Variants in CDC14B observed in about 807,000 individuals in gnomAD.
The protein encoded by CDC14B is dual specificity protein phosphatase CDC14B.
Under a neutral mutation model 64.2 loss-of-function variants are expected in CDC14B, and 22 were observed. The ratio of observed to expected loss-of-function variants is 0.34; its 90% confidence interval spans 0.24 to 0.49. The LOEUF (loss-of-function observed/expected upper bound fraction) is 0.49. Ranked by LOEUF, CDC14B falls within the 20% of genes least tolerant of loss-of-function variation. CDC14B has a pLI of 0.99. For missense variants in CDC14B, 498 were observed against 629.9 expected, an observed-to-expected ratio of 0.79 and a Z score of 2.24; for synonymous variants, 191 against 215.8, an observed-to-expected ratio of 0.89 and a Z score of 1.01.
In CDC14B at chr9:96,559,423, G is replaced by A. The variant is rs537603169; in HGVS notation, c.420+3270C>T. Among the ~76,000 whole-genome samples, 19 of 152,174 alleles carry A rather than the reference G, an allele frequency of 1.2e-4. No homozygotes were observed. In the South Asian group the frequency reaches 3.9e-3, roughly 32 times the overall value. ...CCTTACTCTCTCCAAAATTCCTGAC[G>A]ACTCCAGAAAACGTTATCAAGGATG... On this transcript the variant is annotated intron_variant, in intron 4 of 13. Transcript: ENST00000375241.
chr9:96,553,853 TA>T (rs555932474), intron 4 of CDC14B, among the ~76,000 whole-genome samples: 2 of 150,296 alleles, frequency 1.3e-5, no homozygotes, highest in South Asian at 2.1e-4. Context: ...CCTAGCAGAT[TA>T]AAAAAAAACA....
At chr9:96,566,905 A>G in intron 1 of CDC14B, 3 of 1,546,958 alleles carry the variant, frequency 1.9e-6, no homozygotes, top group Non-Finnish European at 2.6e-6. Context: ...CGAAGTTTAA[A>G]AAACAAAGTT....
In CDC14B at chr9:96,502,167, G is replaced by A. The variant is rs752608717; in HGVS notation, c.*1586C>T. The A allele has an allele frequency of 2.6e-5, 4 of 152,166 alleles. No individual in the cohort carries two copies. The highest frequency in any genetic ancestry group is 5.9e-5 in the Non-Finnish European group (4 of 68,044). The allele number at this position is 152,166 out of a possible 1,614,324, so 9.4% of individuals were successfully genotyped here. On this transcript the variant is annotated 3_prime_UTR_variant, in exon 14 of 14. Coordinates refer to ENST00000375241, the MANE Select transcript of CDC14B (RefSeq NM_033331.4). ...CTGTTTTTCTGTGATCCAGTCCCCA[G>A]TGTTTAAAAGCTGGCCTGACCCCAC...
intron 1 of CDC14B, among the ~76,000 whole-genome samples, chr9:96,605,431 T>C (rs1478103336): frequency 6.6e-6 from 1 of 152,150 alleles, no homozygotes; most frequent in Non-Finnish European, 1.5e-5. Context: ...CAACCCTCAG[T>C]GAGGAAAACT....
intron 4 of CDC14B, among the ~76,000 whole-genome samples, chr9:96,556,063 T>G (rs1487938062): frequency 6.6e-6 from 1 of 152,230 alleles, no homozygotes; most frequent in African/African-American, 2.4e-5. Flanking sequence ...ATTAGACATG[T>G]GCTTCCTATT....
chr9:96,604,941 A>T (rs1846783992), intron 1 of CDC14B, among the ~76,000 whole-genome samples: 2 of 152,076 alleles, frequency 1.3e-5, no homozygotes, highest in Non-Finnish European at 2.9e-5. Context: ...AAGTGCTGGG[A>T]TTACAGGTGT....
intron 1 of CDC14B, among the ~76,000 whole-genome samples, chr9:96,590,524 G>A (rs1845721523): frequency 6.6e-6 from 1 of 152,090 alleles, no homozygotes; most frequent in Non-Finnish European, 1.5e-5. Context: ...GGGATTGCTG[G>A]ATCAATTTTT....
At chr9:96,555,868 C>T (rs1225067380) in intron 4 of CDC14B, among the ~76,000 whole-genome samples, 3 of 152,176 alleles carry the variant, frequency 2.0e-5, no homozygotes, top group Non-Finnish European at 4.4e-5. Flanking sequence ...AAATCACCAT[C>T]TGCATGCCAG....
At chr9:96,569,641 T>A (rs1017567606) in intron 1 of CDC14B, among the ~76,000 whole-genome samples, 1 of 151,844 alleles carries the variant, frequency 6.6e-6, no homozygotes, top group Admixed American at 6.6e-5. Flanking sequence ...CTTTTTTTCT[T>A]TTTGATGGAG....
Position 96,503,519 on chromosome 9 carries a change from A to G in CDC14B, c.*234T>C. 3.7e-6 allele frequency: 2 copies of G among 543,812 alleles called. No individual in the cohort carries two copies. Among genetic ancestry groups the G allele is most frequent in the Admixed American group, 3.6e-5 (1 of 28,140 alleles). 33.7% of individuals were successfully genotyped at this position (543,812 alleles called of 1,614,324 possible). On this transcript the variant is annotated 3_prime_UTR_variant, in exon 14 of 14. Transcript: ENST00000375241. ...ATTTACACCTGAGACTAAATTTACA[A>G]CAGCATGTTTGTCATTCAGCTTGAG...
At chr9:96,529,572 G>A (rs1587835845) in intron 9 of CDC14B, among the ~76,000 whole-genome samples, 1 of 145,412 alleles carries the variant, frequency 6.9e-6, no homozygotes, top group Admixed American at 7.2e-5. Flanking sequence ...GCTCACTGCC[G>A]CCTCAACCTC....
chr9:96,552,490 A>G (rs1178975667), intron 4 of CDC14B, among the ~76,000 whole-genome samples: 1 of 151,960 alleles, frequency 6.6e-6, no homozygotes, highest in Admixed American at 6.6e-5. Context: ...TTGCCTTTCC[A>G]AACATTTTTT....
At chr9:96,524,711 C>T (rs1455193554) in intron 9 of CDC14B, among the ~76,000 whole-genome samples, 1 of 152,214 alleles carries the variant, frequency 6.6e-6, no homozygotes, top group Non-Finnish European at 1.5e-5. Context: ...CCCTGACTTT[C>T]CTGAGCAAGA....
chr9:96,562,356 A>G (rs774859430), intron 4 of CDC14B, among the ~76,000 whole-genome samples: 8 of 152,218 alleles, frequency 5.3e-5, no homozygotes, highest in South Asian at 2.1e-4. Context: ...TCACGAGTGA[A>G]TAGAAATAGC....
intron 1 of CDC14B, among the ~76,000 whole-genome samples, chr9:96,588,084 G>A (rs1397010399): frequency 6.6e-6 from 1 of 151,756 alleles, no homozygotes; most frequent in Non-Finnish European, 1.5e-5. Flanking sequence ...TCCCTTCAAA[G>A]CTTTGCTTCT....
At chr9:96,569,934 T>C (rs1844373940) in intron 1 of CDC14B, among the ~76,000 whole-genome samples, 1 of 152,172 alleles carries the variant, frequency 6.6e-6, no homozygotes, top group African/African-American at 2.4e-5. Flanking sequence ...ACGATTAACT[T>C]TATAATCCTG....
chr9:96,590,499 G>A (rs1364435398), intron 1 of CDC14B, among the ~76,000 whole-genome samples: 2 of 152,052 alleles, frequency 1.3e-5, no homozygotes, highest in Non-Finnish European at 2.9e-5. Context: ...TTCTTTTGGT[G>A]GTATAACCAG....
At chr9:96,554,475 C>T (rs894591320) in intron 4 of CDC14B, among the ~76,000 whole-genome samples, 1 of 152,078 alleles carries the variant, frequency 6.6e-6, no homozygotes, top group Non-Finnish European at 1.5e-5. Flanking sequence ...GTCTGTAATA[C>T]ATTAAGGACT....
At chr9:96,596,585 G>A (rs770423212) in intron 1 of CDC14B, among the ~76,000 whole-genome samples, 2 of 152,114 alleles carry the variant, frequency 1.3e-5, no homozygotes, top group Non-Finnish European at 2.9e-5. Context: ...TGAAGGGCAG[G>A]CATAGTGGCT....
Sources: gnomAD v4.1 joint callset for allele counts (sites outside exome capture counted in the v4.1 genomes callset) on GRCh38, gnomAD v4.1.1 for gene constraint, MANE v1.5 for transcripts, NCBI Gene and HGNC (gene_info 2026-07-23, HGNC 2026-07-21) for gene names.